The following TAF5L variants were observed in gnomAD, a reference collection of about 807,000 sequenced individuals.
TAF5L encodes TAF5-like RNA polymerase II p300/CBP-associated factor-associated factor 65 kDa subunit 5L.
A neutral mutation model predicts 51.3 loss-of-function variants in TAF5L; 7 were observed. The ratio of observed to expected loss-of-function variants is 0.14; its 90% CI spans 0.08 to 0.26. The LOEUF (loss-of-function observed/expected upper bound fraction) is 0.26. Among genes scored for constraint, TAF5L ranks in the 10% least tolerant of loss-of-function variants. TAF5L has a pLI of 1.00. For synonymous variants in TAF5L, 291 were observed against 308.1 expected (o/e 0.94, Z 0.58); for missense variants, 575 against 758.9 (o/e 0.76, Z 2.85).
At position 229,594,802 on chromosome 1, in the gene TAF5L, T is replaced by A; in HGVS notation, c.1265A>T (p.Tyr422Phe). 1 of 1,614,218 alleles carries A rather than the reference T, an allele frequency of 6.2e-7. No homozygotes were observed. Among genetic ancestry groups the A allele is most frequent in the Non-Finnish European group, 8.5e-7 (1 of 1,180,046 alleles). The change falls in exon 5 of 5, where the codon TAT becomes TTT. Residue 422 changes from tyrosine to phenylalanine, a missense_variant. Tyr to Phe is a conservative substitution (Grantham distance 22). Coordinates refer to ENST00000258281, the Ensembl canonical transcript of TAF5L. This position sits in a 1 kb window ranked among gnomAD's most constrained non-coding sequence, Gnocchi z 7.9. ...GTCCACATCTGCCAGGTGTCCTGCA[T>A]ATATCCTCAGCGGGTACGTCCGATC...
chr1:229,602,002 T>TA lies in TAF5L; in HGVS notation c.972+192dup. The TA allele has an allele frequency of 4.2e-6, 6 of 1,418,012 alleles. No homozygotes were observed. The highest frequency in any genetic ancestry group is 5.5e-6 in the Non-Finnish European group (6 of 1,087,808). The allele number at this position is 1,418,012 out of a possible 1,614,324, so 87.8% of individuals were successfully genotyped here. ...TTCATTAATAAGAAGTTAATGCTGC[T>TA]AAAAATTGTTTTTGCATCTTAGGTT... On this transcript the variant is annotated intron_variant, in intron 4 of 4. Coordinates refer to ENST00000258281, the Ensembl canonical transcript of TAF5L. The surrounding 1 kb of genome is among the most constrained non-coding windows in gnomAD (Gnocchi z 4.6).
At chr1:229,603,244 T>C (rs925154193) in intron 3 of TAF5L, among the ~76,000 whole-genome samples, 1 of 152,244 alleles carries the variant, frequency 6.6e-6, no homozygotes, top group African/African-American at 2.4e-5. Flanking sequence ...TTTAGTATTT[T>C]TTCCCAATAT....
In TAF5L at chr1:229,607,099, T is replaced by C. The variant is rs1036874025; in HGVS notation, c.247+3007A>G. On this transcript the variant is annotated intron_variant, in intron 3 of 4. Transcript: ENST00000258281. ...GTAGGATGCCACTGTCATGACAATT[T>C]AACAAACATAAACCCTTCTGACTTA... 4.4e-5 allele frequency: 43 copies of C among 985,304 alleles called. No homozygotes were observed. In the African/African-American group the frequency reaches 7.0e-4, roughly 16 times the overall value. 61.0% of individuals were successfully genotyped at this position (985,304 alleles called of 1,614,324 possible). A position where few individuals can be genotyped will look rare whatever the true frequency, so the allele number is the denominator to read the frequency against.
At chr1:229,604,187 T>C (rs1441894224) in intron 3 of TAF5L, among the ~76,000 whole-genome samples, 2 of 151,750 alleles carry the variant, frequency 1.3e-5, no homozygotes, top group African/African-American at 4.8e-5. Context: ...TTTTTTTTTT[T>C]CATGAAAAGG....
intron 3 of TAF5L, 85 bp from the exon 4 acceptor site, chr1:229,603,004 T>C: frequency 6.8e-7 from 1 of 1,473,226 alleles, no homozygotes; most frequent in South Asian, 1.4e-5. Context: ...CACCATCATA[T>C]AATGCTTTCT....
intron 1 of TAF5L, among the ~76,000 whole-genome samples, chr1:229,616,549 C>T (rs1053875686): frequency 6.6e-6 from 1 of 152,050 alleles, no homozygotes; most frequent in African/African-American, 2.4e-5. Context: ...ATCTAATTTT[C>T]GTCCATCTGC....
intron 4 of TAF5L, among the ~76,000 whole-genome samples, chr1:229,595,549 T>C (rs1200409527): frequency 6.6e-6 from 1 of 152,270 alleles, no homozygotes; most frequent in Non-Finnish European, 1.5e-5. Context: ...GCCATACTGC[T>C]GTTTTTACTC....
rs1443199786 is a variant in TAF5L, at chr1:229,594,393, C to T, written c.1674G>A (p.Val558=). 6.2e-7 allele frequency: 1 copy of T among 1,614,194 alleles called. No homozygotes were observed. Among genetic ancestry groups the T allele is most frequent in the South Asian group, 1.1e-5 (1 of 91,084 alleles). The change falls in exon 5 of 5, where the codon GTG becomes GTA. Residue 558 remains valine (V), a synonymous_variant. Coordinates refer to ENST00000258281, the Ensembl canonical transcript of TAF5L. This position sits in a 1 kb window ranked among gnomAD's most constrained non-coding sequence, Gnocchi z 7.9. ...GGACGTTGCTCATCTGCCCGGTGTA[C>T]ACGCCCACGAGCTCGCTGGAGGAGC...
Position 229,602,264 on chromosome 1 carries a change from C to T in TAF5L, c.903G>A (p.Lys301=), listed in dbSNP as rs761591791. Reference sequence around the variant, plus strand: ...CTACTTGGTGGGGCTCTGATTTTAACTTCTTGGATCGTAAACTCCAAAGTT... The same window carrying T: ...CTACTTGGTGGGGCTCTGATTTTAATTTCTTGGATCGTAAACTCCAAAGTT... The change falls in exon 4 of 5, where the codon AAG becomes AAA. Residue 301 remains lysine, a synonymous_variant. Coordinates refer to ENST00000258281, the Ensembl canonical transcript of TAF5L. This position sits in a 1 kb window ranked among gnomAD's most constrained non-coding sequence, Gnocchi z 4.6. 8.1e-6 allele frequency: 13 copies of T among 1,614,194 alleles called. 1 individual carries two copies. In the South Asian group the frequency reaches 8.8e-5, roughly 11 times the overall value.
chr1:229,597,204 A>G (rs547135021), intron 4 of TAF5L, among the ~76,000 whole-genome samples: 145 of 152,362 alleles, frequency 9.5e-4, no homozygotes, highest in Middle Eastern at 3.4e-3. Flanking sequence ...GATCCTGTGA[A>G]AGTTAACTGT....
chr1:229,599,116 C>T, intron 4 of TAF5L: 1 of 308,358 alleles, frequency 3.2e-6, no homozygotes, highest in Non-Finnish European at 4.7e-6. Flanking sequence ...AAGCAAGGGA[C>T]TGCTATGTCA....
chr1:229,622,653 G>A (rs763077382), intron 1 of TAF5L, among the ~76,000 whole-genome samples: 26 of 152,058 alleles, frequency 1.7e-4, no homozygotes, highest in Non-Finnish European at 3.4e-4. Flanking sequence ...CTCTGTCACC[G>A]AGGCTGGAGT....
In TAF5L at chr1:229,602,126, G is replaced by C. The variant is rs1337396337; in HGVS notation, c.972+69C>G. On this transcript the variant is annotated intron_variant, in intron 4 of 4. Coordinates refer to ENST00000258281, the Ensembl canonical transcript of TAF5L. This position sits in a 1 kb window ranked among gnomAD's most constrained non-coding sequence, Gnocchi z 4.6. ...TAGGAAGTCCATTCTAAGATATGTC[G>C]TGTTTGGTAAGGACATTCTAAGGAA... The C allele has an allele frequency of 3.1e-5, 48 of 1,553,546 alleles. No individual in the cohort carries two copies. The South Asian group carries it at 6.1e-4, about 20-fold the overall frequency.
At chr1:229,599,750 A>G in intron 4 of TAF5L, 2 of 907,720 alleles carry the variant, frequency 2.2e-6, no homozygotes, top group Non-Finnish European at 2.6e-6. Flanking sequence ...ATATTCATGT[A>G]CAAGTGCCTG....
rs532889733 is a variant in TAF5L, at chr1:229,619,830, T to C, written c.-3-5345A>G. On this transcript the variant is annotated intron_variant, in intron 1 of 4. Transcript: ENST00000258281. Reference sequence around the variant, plus strand: ...TGGTCCCTCCCACTGCAAGCCTCTCTTGTGGCTCTGCCCTCCCATTACTGT... The same window carrying C: ...TGGTCCCTCCCACTGCAAGCCTCTCCTGTGGCTCTGCCCTCCCATTACTGT... Among the ~76,000 whole-genome samples, 3 of 152,264 alleles carry C rather than the reference T, an allele frequency of 2.0e-5. No individual in the cohort carries two copies. The East Asian group carries it at 5.8e-4, about 29-fold the overall frequency.
At chr1:229,603,064 C>T (rs1167042922) in intron 3 of TAF5L, 145 bp from the exon 4 acceptor site, 3 of 1,392,578 alleles carry the variant, frequency 2.2e-6, no homozygotes, top group Non-Finnish European at 2.8e-6. Context: ...AAGCCCAACA[C>T]AGGATTCTGG....
chr1:229,602,713 T>C lies in TAF5L; in HGVS notation c.454A>G (p.Asn152Asp). The C allele has an allele frequency of 6.2e-7, 1 of 1,614,172 alleles. No individual in the cohort carries two copies. Among genetic ancestry groups the C allele is most frequent in the Non-Finnish European group, 8.5e-7 (1 of 1,180,032 alleles). ...TCTAGGAATGCTCGAAGCTTGAAGT[T>C]AGATAGGATGTCCTGGATGGTTTGA... The change falls in exon 4 of 5, where the codon AAC (asparagine) becomes GAC (aspartate). Residue 152 changes from asparagine (N) to aspartate (D), a missense_variant. Asn to Asp is a conservative substitution (Grantham distance 23). Around this residue, in one of 3 missense-constraint regions of TAF5L, gnomAD observed 380 missense variants for 443.7 expected, o/e 0.86. Transcript: ENST00000258281. The surrounding 1 kb of genome is among the most constrained non-coding windows in gnomAD (Gnocchi z 4.6).
intron 3 of TAF5L, among the ~76,000 whole-genome samples, chr1:229,605,293 T>C (rs534144545): frequency 6.6e-6 from 1 of 152,270 alleles, no homozygotes; most frequent in South Asian, 2.1e-4. Flanking sequence ...ATTTAAGTAT[T>C]GTTAACTTTA....
At chr1:229,613,782 A>C (rs1664874637) in intron 2 of TAF5L, among the ~76,000 whole-genome samples, 1 of 152,212 alleles carries the variant, frequency 6.6e-6, no homozygotes, top group African/African-American at 2.4e-5. Flanking sequence ...TATACTTATT[A>C]ATCCAGATGG....
Sources: allele counts gnomAD v4.1 joint callset (sites outside exome capture counted in the v4.1 genomes callset), GRCh38; gene constraint gnomAD v4.1.1; regional missense constraint gnomAD v4.1.1; non-coding constraint Gnocchi (gnomAD v3.1); transcripts MANE v1.5; gene names NCBI Gene and HGNC (gene_info 2026-07-23, HGNC 2026-07-21).